Variants in ACBD6 observed in about 807,000 individuals in gnomAD.
ACBD6 encodes acyl-CoA binding domain containing 6.
A neutral mutation model predicts 37.2 loss-of-function variants in ACBD6; 28 were observed. That is an observed-to-expected ratio of 0.75 (90% CI 0.56 to 1.03). ACBD6 has a LOEUF of 1.03. Among genes scored for constraint, ACBD6 ranks in the 50% least tolerant of loss-of-function variants. The pLI is 0.00. For synonymous variants in ACBD6, 113 were observed against 126.8 expected, an observed-to-expected ratio of 0.89 and a Z score of 0.73; for missense variants, 340 against 337.4, an observed-to-expected ratio of 1.01 and a Z score of -0.06.
At chr1:180,282,622 C>T (rs1649346055) in intron 8 of ACBD6, among the ~76,000 whole-genome samples, 1 of 152,180 alleles carries the variant, frequency 6.6e-6, no homozygotes, top group Non-Finnish European at 1.5e-5. Context: ...TGGCCAGCTG[C>T]CTGCAGATAG....
At chr1:180,366,768 C>T (rs1653069503) in intron 6 of ACBD6, among the ~76,000 whole-genome samples, 1 of 152,118 alleles carries the variant, frequency 6.6e-6, no homozygotes, top group South Asian at 2.1e-4. Context: ...AAAATGTCAT[C>T]TACATATATG....
intron 4 of ACBD6, among the ~76,000 whole-genome samples, chr1:180,416,000 C>A (rs1648078197): frequency 6.6e-6 from 1 of 152,076 alleles, no homozygotes; most frequent in South Asian, 2.1e-4. Flanking sequence ...CAAAATACTT[C>A]AGGATAGTAT....
At chr1:180,345,244 T>C (rs747731742) in intron 6 of ACBD6, among the ~76,000 whole-genome samples, 1 of 152,220 alleles carries the variant, frequency 6.6e-6, no homozygotes, top group African/African-American at 2.4e-5. Flanking sequence ...AATCCCTTGA[T>C]GGTGAATGAC....
chr1:180,490,961 TAAA>T (rs67650274), intron 3 of ACBD6, among the ~76,000 whole-genome samples: 16 of 93,812 alleles, frequency 1.7e-4, no homozygotes, highest in African/African-American at 3.6e-4. Flanking sequence ...CTGTCTCATA[TAAA>T]AAAAAAAAAA....
At chr1:180,473,372 G>A (rs934063085) in intron 3 of ACBD6, among the ~76,000 whole-genome samples, 15 of 150,292 alleles carry the variant, frequency 1.0e-4, no homozygotes, top group Admixed American at 2.6e-4. Flanking sequence ...GCGTGAACCC[G>A]GGAGGCGGAG....
intron 6 of ACBD6, among the ~76,000 whole-genome samples, chr1:180,384,315 AT>A (rs1272670025): frequency 6.6e-6 from 1 of 152,176 alleles, no homozygotes; most frequent in Non-Finnish European, 1.5e-5. Context: ...AGTTAAAAAA[AT>A]AATAATCCTA....
chr1:180,488,866 C>T (rs1278343786), intron 3 of ACBD6, among the ~76,000 whole-genome samples: 1 of 152,160 alleles, frequency 6.6e-6, no homozygotes, highest in Non-Finnish European at 1.5e-5. Flanking sequence ...CAGGAGTGAG[C>T]CACCACACCT....
intron 6 of ACBD6, among the ~76,000 whole-genome samples, chr1:180,397,221 A>C (rs751283446): frequency 6.6e-6 from 1 of 152,222 alleles, no homozygotes; most frequent in Non-Finnish European, 1.5e-5. Context: ...ATTTATATAA[A>C]ATATCCAGAA....
Position 180,438,986 on chromosome 1 carries a change from C to T in ACBD6, c.385-8724G>A, listed in dbSNP as rs539002647. Reference sequence around the variant, plus strand: ...GTGATCTTTTCACTGCTTTGTTTTACTCTTTCCAGAATGTCAAATGATTAG... The same window carrying T: ...GTGATCTTTTCACTGCTTTGTTTTATTCTTTCCAGAATGTCAAATGATTAG... On this transcript the variant is annotated intron_variant, in intron 3 of 7. Transcript: ENST00000367595. 5.9e-5 allele frequency among the ~76,000 whole-genome samples: 9 copies of T among 152,232 alleles called. 1 individual carries two copies. In the South Asian group the frequency reaches 1.9e-3, roughly 32 times the overall value.
intron 3 of ACBD6, chr1:180,435,053 A>C (rs1648968000): frequency 1.1e-6 from 1 of 870,616 alleles, no homozygotes; most frequent in African/African-American, 1.6e-5. Context: ...TTACCGTGGA[A>C]GGTCAGCTTG....
intron 6 of ACBD6, among the ~76,000 whole-genome samples, chr1:180,360,693 C>A (rs1046961207): frequency 2.0e-5 from 3 of 151,826 alleles, no homozygotes; most frequent in Non-Finnish European, 4.4e-5. Context: ...TTAAATGTGA[C>A]AAAAAAATTA....
At chr1:180,375,130 A>G (rs1164999492) in intron 6 of ACBD6, among the ~76,000 whole-genome samples, 1 of 152,202 alleles carries the variant, frequency 6.6e-6, no homozygotes, top group Non-Finnish European at 1.5e-5. Flanking sequence ...AAAGAGTGCA[A>G]TAACCAGGAA....
chr1:180,328,722 T>G (rs1424522224), intron 6 of ACBD6, among the ~76,000 whole-genome samples: 1 of 152,122 alleles, frequency 6.6e-6, no homozygotes, highest in African/African-American at 2.4e-5. Context: ...TAGTTTTAGG[T>G]AAATTTTAAT....
intron 7 of ACBD6, 133 bp downstream of exon 7, chr1:180,314,559 G>A: frequency 1.4e-6 from 1 of 738,682 alleles, no homozygotes; most frequent in Non-Finnish European, 2.2e-6. Flanking sequence ...ACATTTTTTT[G>A]AACAAAAAGT....
chr1:180,319,796 T>C (rs1447906447), intron 6 of ACBD6, among the ~76,000 whole-genome samples: 2 of 152,204 alleles, frequency 1.3e-5, no homozygotes, highest in East Asian at 1.9e-4. Context: ...AACATAATGA[T>C]CTCCAGGGTC....
intron 9 of ACBD6, chr1:180,278,822 A>G (rs909263120): frequency 2.7e-5 from 4 of 149,662 alleles, no homozygotes; most frequent in Non-Finnish European, 5.9e-5. Context: ...TTTCCTGGGG[A>G]AAAAAAAGAA....
At chr1:180,338,213 C>T (rs774922148) in intron 6 of ACBD6, among the ~76,000 whole-genome samples, 3 of 152,138 alleles carry the variant, frequency 2.0e-5, no homozygotes, top group African/African-American at 4.8e-5. Context: ...AAAAAGAGCC[C>T]ACATTGCCAA....
intron 4 of ACBD6, among the ~76,000 whole-genome samples, chr1:180,415,158 G>C (rs1648029851): frequency 6.6e-6 from 1 of 151,916 alleles, no homozygotes; most frequent in African/African-American, 2.4e-5. Flanking sequence ...CTGCATTTTG[G>C]GAGGCCAAGG....
At position 180,384,908 on chromosome 1, in the gene ACBD6, C is replaced by A. The variant is rs77037040; in HGVS notation, c.663+12608G>T. 5.9e-3 allele frequency among the ~76,000 whole-genome samples: 904 copies of A among 152,136 alleles called. 9 individuals are homozygous for A. The highest frequency in any genetic ancestry group is 0.02 in the African/African-American group (846 of 41,502). On this transcript the variant is annotated intron_variant, in intron 6 of 7. Transcript: ENST00000367595. ...GTGAAATAAGCCAGACACAGAAAGACGAATTTTACATGTTCTCATTCATAT... is the reference window on the plus strand; with the variant it reads ...GTGAAATAAGCCAGACACAGAAAGAAGAATTTTACATGTTCTCATTCATAT...
Sources: allele counts gnomAD v4.1 joint callset (sites outside exome capture counted in the v4.1 genomes callset), GRCh38; gene constraint gnomAD v4.1.1; transcripts MANE v1.5; gene names NCBI Gene and HGNC (gene_info 2026-07-23, HGNC 2026-07-21).